SPON1: variants seen among roughly 807,000 people sequenced by gnomAD.
SPON1 encodes spondin 1.
SPON1 carries 52 observed loss-of-function variants against 111.7 expected under a neutral mutation model. That is an observed-to-expected ratio of 0.47 (90% CI 0.37 to 0.59). The LOEUF (loss-of-function observed/expected upper bound fraction) is 0.59, where lower values mean the gene tolerates loss of function less well. SPON1 is among the 20% of genes least tolerant of loss of function. The pLI, the probability that SPON1 is intolerant of heterozygous loss-of-function variation, is 0.00. For synonymous variants in SPON1, 410 were observed against 395.8 expected (o/e 1.04, Z -0.43); for missense variants, 957 against 1,068.5 (o/e 0.90, Z 1.46).
At chr11:14,016,297 T>C in intron 2 of SPON1, among the ~76,000 whole-genome samples, 1 of 152,256 alleles carries the variant, frequency 6.6e-6, no homozygotes, top group East Asian at 1.9e-4. Context: ...GCCAAGAGGC[T>C]AAGTGGCTTA....
Position 14,230,228 on chromosome 11 carries a change from T to A in SPON1, c.826-13104T>A, listed in dbSNP as rs1848783578. Among the ~76,000 whole-genome samples, 2 of 152,164 alleles carry A rather than the reference T, an allele frequency of 1.3e-5. 1 individual carries two copies. The highest frequency in any genetic ancestry group is 2.9e-5 in the Non-Finnish European group (2 of 68,026). ...CTGAACACCTTAAAGCACACTTACTTCTCCCCCATTCGGGTCACTTGGAGC... is the reference window on the plus strand; with the variant it reads ...CTGAACACCTTAAAGCACACTTACTACTCCCCCATTCGGGTCACTTGGAGC... On this transcript the variant is annotated intron_variant, in intron 6 of 15. Transcript: ENST00000576479.
chr11:14,054,438 A>G (rs1181966802), intron 3 of SPON1, among the ~76,000 whole-genome samples: 1 of 152,178 alleles, frequency 6.6e-6, no homozygotes, highest in Non-Finnish European at 1.5e-5. Flanking sequence ...TATCTTCATC[A>G]TTTGGTTTCC....
chr11:14,194,951 G>A (rs559089445), intron 6 of SPON1, among the ~76,000 whole-genome samples: 1 of 152,312 alleles, frequency 6.6e-6, no homozygotes, highest in African/African-American at 2.4e-5. Context: ...AAATGCTAGA[G>A]GGGGCAGTCT....
At chr11:14,204,820 G>A (rs1848500373) in intron 6 of SPON1, among the ~76,000 whole-genome samples, 1 of 152,030 alleles carries the variant, frequency 6.6e-6, no homozygotes, top group Non-Finnish European at 1.5e-5. Flanking sequence ...CAATAGCTGG[G>A]ATTACAGGTG....
At chr11:14,264,512 C>T (rs531722782) in intron 15 of SPON1, among the ~76,000 whole-genome samples, 16 of 152,270 alleles carry the variant, frequency 1.1e-4, no homozygotes, top group Non-Finnish European at 2.2e-4. Flanking sequence ...TTTTTAAAGG[C>T]CTATTCTTTT....
intron 2 of SPON1, among the ~76,000 whole-genome samples, chr11:14,017,463 GGACT>G (rs1554914413): frequency 6.6e-6 from 1 of 152,142 alleles, no homozygotes; most frequent in Non-Finnish European, 1.5e-5. Flanking sequence ...CCTTAGAGAT[GGACT>G]GACTTTTTTG....
intron 2 of SPON1, among the ~76,000 whole-genome samples, chr11:13,983,884 C>T (rs557501101): frequency 2.4e-4 from 36 of 152,174 alleles, no homozygotes; most frequent in Non-Finnish European, 4.4e-4. Context: ...CTGTGGGCTC[C>T]GTGGAGGACC....
intron 6 of SPON1, among the ~76,000 whole-genome samples, chr11:14,203,272 A>T (rs190947095): frequency 3.4e-4 from 52 of 152,318 alleles, no homozygotes; most frequent in Middle Eastern, 3.4e-3. Flanking sequence ...TTGACATTTA[A>T]TATCACCCAA....
intron 6 of SPON1, among the ~76,000 whole-genome samples, chr11:14,190,797 T>C (rs1222203607): frequency 6.6e-6 from 1 of 151,872 alleles, no homozygotes; most frequent in African/African-American, 2.4e-5. Context: ...CCCGCCACCG[T>C]GCCCAGCTGA....
At chr11:14,036,815 G>T (rs1848597749) in intron 2 of SPON1, among the ~76,000 whole-genome samples, 1 of 152,098 alleles carries the variant, frequency 6.6e-6, no homozygotes, top group African/African-American at 2.4e-5. Flanking sequence ...GATGGGGGAA[G>T]TTGGGGGAGG....
intron 1 of SPON1, among the ~76,000 whole-genome samples, chr11:13,982,360 C>T (rs1213390277): frequency 6.6e-6 from 1 of 152,162 alleles, no homozygotes; most frequent in Non-Finnish European, 1.5e-5. Flanking sequence ...GCTGACTTAA[C>T]TGCAAAGGAG....
chr11:14,022,774 A>T (rs1848490217), intron 2 of SPON1, among the ~76,000 whole-genome samples: 1 of 152,232 alleles, frequency 6.6e-6, no homozygotes, highest in Non-Finnish European at 1.5e-5. Context: ...TAGGGAAGAG[A>T]AGGCAATGTT....
rs782266746 is a variant in SPON1 at position 13,963,089 on chromosome 11, G to C, written c.185G>C (p.Ser62Thr). 1 of 1,556,958 alleles carries C rather than the reference G, an allele frequency of 6.4e-7. No individual in the cohort carries two copies. Among genetic ancestry groups the C allele is most frequent in the South Asian group, 1.2e-5 (1 of 83,520 alleles). ...GTRREGYTEF[S>T]LRVEGDPDFY... ...CGGCGCGAGGGCTACACCGAGTTCAGCCTCCGCGTGGAGGGCGACCCCGAC... is the reference window on the plus strand; with the variant it reads ...CGGCGCGAGGGCTACACCGAGTTCACCCTCCGCGTGGAGGGCGACCCCGAC... Residue 62 changes from serine to threonine, a missense_variant, in exon 1 of 16, where the codon AGC becomes ACC. Ser to Thr is a moderately conservative substitution (Grantham distance 58, BLOSUM62 1). Coordinates refer to ENST00000576479, the MANE Select transcript of SPON1 (RefSeq NM_006108.4).
At chr11:14,057,334 T>C (rs1362517989) in intron 3 of SPON1, among the ~76,000 whole-genome samples, 1 of 152,136 alleles carries the variant, frequency 6.6e-6, no homozygotes. Context: ...AGCTCAAATA[T>C]TTTACAGAAT....
At chr11:14,178,380 C>T (rs1194265241) in intron 6 of SPON1, among the ~76,000 whole-genome samples, 1 of 150,402 alleles carries the variant, frequency 6.6e-6, no homozygotes, top group Non-Finnish European at 1.5e-5. Flanking sequence ...CGAGATTGCA[C>T]CACTGCACTC....
chr11:13,988,065 A>G (rs1464494225), intron 2 of SPON1, among the ~76,000 whole-genome samples: 1 of 152,120 alleles, frequency 6.6e-6, no homozygotes, highest in Non-Finnish European at 1.5e-5. Flanking sequence ...TGAAGTTTAA[A>G]GTAGTTTTTT....
chr11:14,162,094 G>A (rs1330375974), intron 6 of SPON1, among the ~76,000 whole-genome samples: 2 of 149,378 alleles, frequency 1.3e-5, no homozygotes, highest in African/African-American at 5.0e-5. Context: ...GGAGGCAGAG[G>A]TTGCAGCGAG....
At chr11:13,983,533 G>A (rs1554909959) in intron 2 of SPON1, among the ~76,000 whole-genome samples, 2 of 152,152 alleles carry the variant, frequency 1.3e-5, no homozygotes, top group Non-Finnish European at 2.9e-5. Flanking sequence ...TGCATGAAAG[G>A]GCACACTAAG....
At position 13,990,373 on chromosome 11, in the gene SPON1, C is replaced by CT. The variant is rs1159719282; in HGVS notation, c.345+7454dup. 1.3e-3 allele frequency among the ~76,000 whole-genome samples: 28 copies of CT among 21,704 alleles called. 4 individuals are homozygous for CT. The highest frequency in any genetic ancestry group is 2.4e-3 in the African/African-American group (19 of 7,788). The allele number at this position is 21,704 out of a possible 152,430, so 14.2% of individuals were successfully genotyped here. On this transcript the variant is annotated intron_variant, in intron 2 of 15. Transcript: ENST00000576479. ...TCAGAGATTAGGATTGCAACTCCTG[C>CT]TTTTTTTTTTTTTTTTTTTTTTTTT...
Sources: allele counts gnomAD v4.1 joint callset (sites outside exome capture counted in the v4.1 genomes callset), GRCh38; gene constraint gnomAD v4.1.1; transcripts MANE v1.5; gene names NCBI Gene and HGNC (gene_info 2026-07-23, HGNC 2026-07-21).